CHRNA7: variants seen among roughly 807,000 people sequenced by gnomAD.
The protein encoded by CHRNA7 is cholinergic receptor nicotinic alpha 7 subunit, also known as neuronal acetylcholine receptor subunit alpha-7.
Under a neutral mutation model 48.0 loss-of-function variants are expected in CHRNA7, and 17 were observed. That is an observed-to-expected ratio of 0.35 (90% CI 0.24 to 0.53). CHRNA7 has a LOEUF of 0.53. Among genes scored for constraint, CHRNA7 ranks in the 20% least tolerant of loss-of-function variants. The pLI, the probability that CHRNA7 is intolerant of heterozygous loss-of-function variation, is 0.92. For synonymous variants in CHRNA7, 75 were observed against 242.3 expected, an observed-to-expected ratio of 0.31 and a Z score of 6.41; for missense variants, 155 against 577.7, an observed-to-expected ratio of 0.27 and a Z score of 7.50.
At chr15:32,074,666 ATTT>A (rs869186591) in intron 2 of CHRNA7, among the ~76,000 whole-genome samples, 1 of 107,298 alleles carries the variant, frequency 9.3e-6, no homozygotes, top group African/African-American at 3.2e-5. Flanking sequence ...TATTATTATT[ATTT>A]TTGAGACAGA....
intron 2 of CHRNA7, among the ~76,000 whole-genome samples, chr15:32,060,758 C>A (rs1371895964): frequency 6.6e-6 from 1 of 152,180 alleles, no homozygotes; most frequent in African/African-American, 2.4e-5. Flanking sequence ...TGGGGAAAAG[C>A]TGCAGCAAGC....
At chr15:32,099,854 C>G (rs1318245037) in intron 2 of CHRNA7, 1 of 152,204 alleles carries the variant, frequency 6.6e-6, no homozygotes, top group African/African-American at 2.4e-5. Context: ...ACCAAAAACT[C>G]CTGGCACATT....
Position 32,161,634 on chromosome 15 carries a change from T to TA in CHRNA7, c.881-1591dup, listed in dbSNP as rs2051892410. On this transcript the variant is annotated intron_variant, in intron 8 of 9. Transcript: ENST00000306901. ...GTGAATTAGCTCTTTAGCCTCTTTT[T>TA]ATGAAGGACTCTAATCCCATTCATG... The TA allele has an allele frequency of 6.0e-5, 8 of 133,144 alleles. 1 individual carries two copies. The South Asian group carries it at 2.0e-3, about 33-fold the overall frequency. The allele number at this position is 133,144 out of a possible 1,614,324, so 8.2% of individuals were successfully genotyped here.
At chr15:32,148,424 G>C (rs1461711181) in intron 4 of CHRNA7, among the ~76,000 whole-genome samples, 3 of 152,166 alleles carry the variant, frequency 2.0e-5, no homozygotes, top group Non-Finnish European at 2.9e-5. Flanking sequence ...GGCCTCCCGT[G>C]CTCAGCCGTA....
chr15:32,074,160 A>T (rs1171872285), intron 2 of CHRNA7, among the ~76,000 whole-genome samples: 1 of 151,018 alleles, frequency 6.6e-6, no homozygotes, highest in East Asian at 2.0e-4. Flanking sequence ...TTGGTATGTT[A>T]ATTTTGTATC....
At chr15:32,046,784 A>T (rs2049556312) in intron 2 of CHRNA7, among the ~76,000 whole-genome samples, 1 of 151,952 alleles carries the variant, frequency 6.6e-6, no homozygotes, top group African/African-American at 2.4e-5. Context: ...GTTTTCTTCT[A>T]GGGTTTTTAT....
chr15:32,147,856 C>G (rs2051523934), intron 4 of CHRNA7, among the ~76,000 whole-genome samples: 1 of 152,132 alleles, frequency 6.6e-6, no homozygotes, highest in Non-Finnish European at 1.5e-5. Context: ...GAAAATTTAC[C>G]CATTCTCAAC....
chr15:32,137,561 AG>A (rs921032072), intron 4 of CHRNA7, among the ~76,000 whole-genome samples: 1 of 152,244 alleles, frequency 6.6e-6, no homozygotes, highest in African/African-American at 2.4e-5. Flanking sequence ...TAGTGTAACA[AG>A]GGGAAAAAAA....
intron 3 of CHRNA7, among the ~76,000 whole-genome samples, chr15:32,109,557 A>AG (rs2141275916): frequency 6.6e-6 from 1 of 152,316 alleles, no homozygotes; most frequent in South Asian, 2.1e-4. Flanking sequence ...GTTTGGGGCA[A>AG]GGGAAAACAG....
At chr15:32,068,453 C>A (rs1249357155) in intron 2 of CHRNA7, among the ~76,000 whole-genome samples, 2 of 152,134 alleles carry the variant, frequency 1.3e-5, no homozygotes, top group Non-Finnish European at 2.9e-5. Context: ...ATTTTAGATT[C>A]AAAGGCACAA....
chr15:32,047,007 C>G (rs1595381449), intron 2 of CHRNA7, among the ~76,000 whole-genome samples: 1 of 149,440 alleles, frequency 6.7e-6, no homozygotes, highest in Non-Finnish European at 1.5e-5. Flanking sequence ...TCTGAGGGCT[C>G]TGTTCTGTTC....
At chr15:32,139,985 A>G (rs2051347682) in intron 4 of CHRNA7, among the ~76,000 whole-genome samples, 1 of 152,072 alleles carries the variant, frequency 6.6e-6, no homozygotes, top group South Asian at 2.1e-4. Context: ...GGTTTGTTAC[A>G]TTAGGTGTAC....
At chr15:32,115,447 G>A (rs768555042) in intron 4 of CHRNA7, among the ~76,000 whole-genome samples, 4 of 152,016 alleles carry the variant, frequency 2.6e-5, no homozygotes, top group African/African-American at 9.7e-5. Flanking sequence ...TCCCCTTCCT[G>A]CCTGGACACA....
At chr15:32,110,106 G>C (rs1402522489) in intron 3 of CHRNA7, among the ~76,000 whole-genome samples, 1 of 152,228 alleles carries the variant, frequency 6.6e-6, no homozygotes, top group Admixed American at 6.5e-5. Context: ...GACTGGCTCT[G>C]TGATAATTAG....
intron 2 of CHRNA7, among the ~76,000 whole-genome samples, chr15:32,032,049 A>G (rs932680435): frequency 6.6e-6 from 1 of 152,244 alleles, no homozygotes; most frequent in South Asian, 2.1e-4. Context: ...GTGATATTTC[A>G]TAATCCTACA....
chr15:32,148,941 C>T (rs2051554451), intron 4 of CHRNA7, among the ~76,000 whole-genome samples: 1 of 152,182 alleles, frequency 6.6e-6, no homozygotes, highest in Non-Finnish European at 1.5e-5. Context: ...TCTCCTCCTC[C>T]TACCCCCGCT....
chr15:32,055,620 G>C (rs2049773818), intron 2 of CHRNA7, among the ~76,000 whole-genome samples: 1 of 152,190 alleles, frequency 6.6e-6, no homozygotes. Flanking sequence ...TATAGGTTCT[G>C]TCTCCCAATA....
chr15:32,134,754 T>C (rs1343377076), intron 4 of CHRNA7, among the ~76,000 whole-genome samples: 2 of 151,874 alleles, frequency 1.3e-5, no homozygotes, highest in Non-Finnish European at 2.9e-5. Context: ...AAAACACAAA[T>C]GAGAGAAACC....
intron 4 of CHRNA7, among the ~76,000 whole-genome samples, chr15:32,114,035 TATATATATGTATATATATATATATAC>T (rs1200536045): frequency 5.5e-5 from 4 of 72,982 alleles, no homozygotes; most frequent in Non-Finnish European, 7.7e-5. Context: ...TATATATATA[TATATATATGTATATATATATATATAC>T]ATATATATAT....
Sources: gnomAD v4.1 joint callset for allele counts (sites outside exome capture counted in the v4.1 genomes callset) on GRCh38, gnomAD v4.1.1 for gene constraint, MANE v1.5 for transcripts, NCBI Gene and HGNC (gene_info 2026-07-23, HGNC 2026-07-21) for gene names.